COMMD10: variants seen among roughly 807,000 people sequenced by gnomAD.
COMMD10 encodes COMM domain containing 10.
Under a neutral mutation model 28.9 loss-of-function variants are expected in COMMD10, and 33 were observed. The ratio of observed to expected loss-of-function variants is 1.14; its 90% CI spans 0.87 to 1.53. The LOEUF is 1.53. Among genes scored for constraint, COMMD10 ranks in the 40% most tolerant of loss-of-function variants. The pLI, the probability that COMMD10 is intolerant of heterozygous loss-of-function variation, is 0.00. For synonymous variants in COMMD10, 110 were observed against 81.7 expected, an observed-to-expected ratio of 1.35 and a Z score of -1.87; for missense variants, 310 against 233.4, an observed-to-expected ratio of 1.33 and a Z score of -2.14.
intron 5 of COMMD10, among the ~76,000 whole-genome samples, chr5:116,228,980 G>C (rs941402772): frequency 6.6e-6 from 1 of 151,840 alleles, no homozygotes; most frequent in Non-Finnish European, 1.5e-5. Context: ...TTATCTTCTT[G>C]TAAAATAGTG....
chr5:116,258,406 A>T (rs1002870166), intron 5 of COMMD10, among the ~76,000 whole-genome samples: 1 of 151,500 alleles, frequency 6.6e-6, no homozygotes, highest in African/African-American at 2.4e-5. Context: ...TACTTTTTGG[A>T]CACTACTATT....
chr5:116,292,423 C>CTT (rs11337562), intron 6 of COMMD10, 28 bp from the exon 7 acceptor site: 304 of 1,267,660 alleles, frequency 2.4e-4, no homozygotes, highest in South Asian at 6.5e-4. Context: ...TCACTAACGT[C>CTT]TTTTTTTTTT....
intron 4 of COMMD10, among the ~76,000 whole-genome samples, chr5:116,126,152 G>A (rs1367463669): frequency 6.6e-6 from 1 of 151,944 alleles, no homozygotes; most frequent in East Asian, 1.9e-4. Flanking sequence ...AGATCCAAAT[G>A]ACGAGTGAAC....
chr5:116,254,133 C>T (rs58313552), intron 5 of COMMD10, among the ~76,000 whole-genome samples: 2,553 of 151,832 alleles, frequency 0.017, 74 homozygotes, highest in African/African-American at 0.057. Flanking sequence ...TCTGTGGGAT[C>T]GGTGGTGATA....
chr5:116,152,162 T>C (rs941970879), intron 5 of COMMD10, among the ~76,000 whole-genome samples: 1 of 152,112 alleles, frequency 6.6e-6, no homozygotes, highest in African/African-American at 2.4e-5. Flanking sequence ...TGTAGTTGAG[T>C]GGTTTTGAGT....
At chr5:116,237,654 A>G (rs1453403332) in intron 5 of COMMD10, among the ~76,000 whole-genome samples, 1 of 152,174 alleles carries the variant, frequency 6.6e-6, no homozygotes, top group Admixed American at 6.5e-5. Context: ...TAGAAAAAAA[A>G]GAGGCAAGAT....
intron 5 of COMMD10, among the ~76,000 whole-genome samples, chr5:116,193,277 G>A (rs149951649): frequency 6.6e-5 from 10 of 152,196 alleles, no homozygotes; most frequent in African/African-American, 2.2e-4. Context: ...AAAGTACGCA[G>A]GCAACAAAGA....
At chr5:116,131,337 A>G (rs1751853657) in intron 4 of COMMD10, among the ~76,000 whole-genome samples, 1 of 151,854 alleles carries the variant, frequency 6.6e-6, no homozygotes, top group Non-Finnish European at 1.5e-5. Flanking sequence ...ATTTCTGGAC[A>G]TGCTTTGGCC....
At chr5:116,219,782 G>T (rs1378882069) in intron 5 of COMMD10, among the ~76,000 whole-genome samples, 2 of 152,130 alleles carry the variant, frequency 1.3e-5, no homozygotes, top group Non-Finnish European at 2.9e-5. Context: ...ATACTTTTCT[G>T]TGTCTAATGA....
At chr5:116,209,404 T>C (rs1161066782) in intron 5 of COMMD10, among the ~76,000 whole-genome samples, 1 of 152,194 alleles carries the variant, frequency 6.6e-6, no homozygotes, top group East Asian at 1.9e-4. Context: ...TAATACTGAT[T>C]TCAAAATAGT....
At chr5:116,231,005 G>A (rs1466806763) in intron 5 of COMMD10, among the ~76,000 whole-genome samples, 1 of 151,196 alleles carries the variant, frequency 6.6e-6, no homozygotes, top group East Asian at 1.9e-4. Context: ...CTAGCCTCTG[G>A]CTCCTCTTTT....
intron 4 of COMMD10, among the ~76,000 whole-genome samples, chr5:116,099,811 A>C (rs146678007): frequency 6.6e-6 from 1 of 151,946 alleles, no homozygotes; most frequent in African/African-American, 2.4e-5. Context: ...TTTTCCTGCT[A>C]TTGAGTTTGT....
intron 5 of COMMD10, among the ~76,000 whole-genome samples, chr5:116,208,826 C>G (rs1748883594): frequency 6.6e-6 from 1 of 152,094 alleles, no homozygotes; most frequent in Non-Finnish European, 1.5e-5. Context: ...CTGTTGAATG[C>G]TTTGTAAGGG....
At chr5:116,150,288 T>G (rs978175688) in intron 5 of COMMD10, among the ~76,000 whole-genome samples, 4 of 152,064 alleles carry the variant, frequency 2.6e-5, no homozygotes, top group South Asian at 4.1e-4. Context: ...AGTCAGGTAG[T>G]GTGATGCCTC....
At chr5:116,209,240 T>C (rs1451653971) in intron 5 of COMMD10, among the ~76,000 whole-genome samples, 1 of 152,204 alleles carries the variant, frequency 6.6e-6, no homozygotes, top group Non-Finnish European at 1.5e-5. Context: ...CCCTGACCTT[T>C]ATAAAAACAA....
chr5:116,115,791 A>G (rs551032991), intron 4 of COMMD10, among the ~76,000 whole-genome samples: 1 of 152,308 alleles, frequency 6.6e-6, no homozygotes, highest in Non-Finnish European at 1.5e-5. Flanking sequence ...TACCTAAAGG[A>G]AACGACTTGA....
At chr5:116,227,421 T>C (rs1050675548) in intron 5 of COMMD10, among the ~76,000 whole-genome samples, 3 of 152,072 alleles carry the variant, frequency 2.0e-5, no homozygotes, top group Non-Finnish European at 4.4e-5. Flanking sequence ...CTTTTGTCTT[T>C]CACAAGATCT....
intron 5 of COMMD10, among the ~76,000 whole-genome samples, chr5:116,250,460 G>A (rs1247910026): frequency 6.6e-6 from 1 of 151,326 alleles, no homozygotes; most frequent in South Asian, 2.1e-4. Context: ...ATACTAGATG[G>A]AAGTAGTTTG....
chr5:116,242,784 G>C (rs757293252), intron 5 of COMMD10, among the ~76,000 whole-genome samples: 12 of 152,132 alleles, frequency 7.9e-5, no homozygotes, highest in Non-Finnish European at 1.5e-4. Context: ...TTAAATGCCT[G>C]ATCTCACAGT....
Sources: gnomAD v4.1 joint callset for allele counts (sites outside exome capture counted in the v4.1 genomes callset) on GRCh38, gnomAD v4.1.1 for gene constraint, MANE v1.5 for transcripts, NCBI Gene and HGNC (gene_info 2026-07-23, HGNC 2026-07-21) for gene names.